Variants in MSR1 observed in about 807,000 individuals in gnomAD.
MSR1 encodes macrophage scavenger receptor 1, also known as macrophage scavenger receptor types I and II.
A neutral mutation model predicts 47.2 loss-of-function variants in MSR1; 53 were observed. The ratio of observed to expected loss-of-function variants is 1.12; its 90% confidence interval spans 0.90 to 1.41. The LOEUF is 1.41. Among genes scored for constraint, MSR1 ranks in the 40% most tolerant of loss-of-function variants. The pLI, the probability that MSR1 is intolerant of heterozygous loss-of-function variation, is 0.00. For missense variants in MSR1, 786 were observed against 546.9 expected (o/e 1.44, Z -4.36); for synonymous variants, 239 against 185.6 (o/e 1.29, Z -2.34).
chr8:16,181,182 A>G (rs547736131), intron 1 of MSR1, among the ~76,000 whole-genome samples: 2 of 152,332 alleles, frequency 1.3e-5, no homozygotes, highest in Non-Finnish European at 2.9e-5. Context: ...ATATAGTTGA[A>G]TAATTCATAA....
At chr8:16,158,198 T>C (rs949054699) in intron 5 of MSR1, among the ~76,000 whole-genome samples, 2 of 151,972 alleles carry the variant, frequency 1.3e-5, no homozygotes, top group Non-Finnish European at 2.9e-5. Flanking sequence ...ATCTTTAATA[T>C]TTCCAATTAC....
chr8:16,146,807 G>T (rs942008590), intron 7 of MSR1, among the ~76,000 whole-genome samples: 3 of 151,894 alleles, frequency 2.0e-5, no homozygotes, highest in Non-Finnish European at 4.4e-5. Context: ...AAAATCAGTG[G>T]TTCTGAATAA....
chr8:16,137,581 T>C (rs1357621136), intron 8 of MSR1, among the ~76,000 whole-genome samples: 1 of 152,168 alleles, frequency 6.6e-6, no homozygotes, highest in Non-Finnish European at 1.5e-5. Context: ...TTTAAAGACC[T>C]GGCTTTGAGT....
chr8:16,146,731 ACTTAAAGCTTTATG>A (rs1248541814), intron 7 of MSR1, among the ~76,000 whole-genome samples: 1 of 152,060 alleles, frequency 6.6e-6, no homozygotes, highest in Non-Finnish European at 1.5e-5. Flanking sequence ...TTCTGGAACT[ACTTAAAGCTTTATG>A]CTATGCCCCT....
chr8:16,180,425 A>G (rs1801794767), intron 1 of MSR1, among the ~76,000 whole-genome samples: 2 of 152,170 alleles, frequency 1.3e-5, no homozygotes, highest in African/African-American at 4.8e-5. Flanking sequence ...AATTCCAACA[A>G]ATTCTCAAGA....
intron 8 of MSR1, chr8:16,121,080 G>A: frequency 2.6e-6 from 1 of 388,142 alleles, no homozygotes; most frequent in Non-Finnish European, 5.0e-6. Flanking sequence ...AAAAATAGGT[G>A]ATCAAACTTC....
At chr8:16,173,718 G>A (rs756665294) in intron 3 of MSR1, among the ~76,000 whole-genome samples, 1 of 151,828 alleles carries the variant, frequency 6.6e-6, no homozygotes. Flanking sequence ...GCGCGATCTC[G>A]GCTCACTGCA....
At chr8:16,190,845 C>T (rs1328500520) in intron 1 of MSR1, among the ~76,000 whole-genome samples, 4 of 151,942 alleles carry the variant, frequency 2.6e-5, no homozygotes, top group East Asian at 1.9e-4. Flanking sequence ...CCTCAGACTC[C>T]GGAGTAACTG....
intron 1 of MSR1, among the ~76,000 whole-genome samples, chr8:16,189,373 T>TCATA (rs1416528903): frequency 1.0e-5 from 1 of 96,248 alleles, no homozygotes; most frequent in African/African-American, 5.5e-5. Flanking sequence ...TATATATATT[T>TCATA]TATATATATA....
rs148928468 is a variant in MSR1, at chr8:16,152,140, T to C, written c.899-1829A>G. ...AATCATTATTTTTACCAGCCTGTTG[T>C]AAAGGCTTCTAAATTTAGTTTTATT... On this transcript the variant is annotated intron_variant, in intron 6 of 9. Transcript: ENST00000262101. Among the ~76,000 whole-genome samples, 1,176 of 152,264 alleles carry C rather than the reference T, an allele frequency of 7.7e-3. 14 individuals carry two copies. The highest frequency in any genetic ancestry group is 0.027 in the African/African-American group (1,131 of 41,564).
chr8:16,161,033 ATTT>A (rs201538682), intron 5 of MSR1, among the ~76,000 whole-genome samples: 5,419 of 130,806 alleles, frequency 0.041, 353 homozygotes, highest in African/African-American at 0.14. Flanking sequence ...CTTAAATAGC[ATTT>A]TTTTTTTTTT....
intron 3 of MSR1, among the ~76,000 whole-genome samples, chr8:16,170,216 CGGGCGCCTGCAGGCCCATCTACTCAGGA>C (rs1563164177): frequency 6.6e-6 from 1 of 151,912 alleles, no homozygotes; most frequent in Non-Finnish European, 1.5e-5. Context: ...GGCGTGGTGG[CGGGCGCCTGCAGGCCCATCTACTCAGGA>C]GGCTGAGGCA....
At chr8:16,167,688 C>G (rs181956216) in intron 4 of MSR1, among the ~76,000 whole-genome samples, 137 of 152,338 alleles carry the variant, frequency 9.0e-4, no homozygotes, top group Non-Finnish European at 1.6e-3. Flanking sequence ...TCTTCTGACC[C>G]TATTTCTACA....
intron 9 of MSR1, among the ~76,000 whole-genome samples, chr8:16,116,901 C>G (rs548901063): frequency 6.6e-6 from 1 of 151,976 alleles, no homozygotes; most frequent in Non-Finnish European, 1.5e-5. Flanking sequence ...CACTTTCATA[C>G]TACAGGCTGT....
chr8:16,185,690 C>G (rs1801975301), intron 1 of MSR1, among the ~76,000 whole-genome samples: 1 of 151,952 alleles, frequency 6.6e-6, no homozygotes, highest in African/African-American at 2.4e-5. Flanking sequence ...TTTATCTACT[C>G]CAGCCAGGCA....
At chr8:16,177,712 G>A (rs1307227341) in intron 2 of MSR1, among the ~76,000 whole-genome samples, 174 bp downstream of exon 2, 2 of 151,960 alleles carry the variant, frequency 1.3e-5, no homozygotes, top group Non-Finnish European at 2.9e-5. Flanking sequence ...ATATAATACT[G>A]CCTTACTTTT....
intron 8 of MSR1, among the ~76,000 whole-genome samples, chr8:16,136,083 T>C (rs1045969181): frequency 6.6e-5 from 10 of 152,148 alleles, no homozygotes; most frequent in African/African-American, 1.7e-4. Context: ...GAGTATCATA[T>C]AGATTTAGTT....
chr8:16,147,840 G>T (rs1042385399), intron 7 of MSR1, among the ~76,000 whole-genome samples: 1 of 152,056 alleles, frequency 6.6e-6, no homozygotes, highest in East Asian at 1.9e-4. Context: ...TTCTTTGTGC[G>T]TGATTACTCT....
At chr8:16,141,305 A>C (rs544325604) in intron 8 of MSR1, among the ~76,000 whole-genome samples, 2 of 152,282 alleles carry the variant, frequency 1.3e-5, no homozygotes, top group South Asian at 4.1e-4. Flanking sequence ...CCCTATTAAA[A>C]AGTATTCCCA....
Sources: gnomAD v4.1 joint callset for allele counts (sites outside exome capture counted in the v4.1 genomes callset) on GRCh38, gnomAD v4.1.1 for gene constraint, MANE v1.5 for transcripts, NCBI Gene and HGNC (gene_info 2026-07-23, HGNC 2026-07-21) for gene names.